Variants in FBXL5 observed in about 807,000 individuals in gnomAD.
FBXL5 encodes the protein F-box and leucine rich repeat protein 5.
FBXL5 carries 26 observed loss-of-function variants against 78.3 expected under a neutral mutation model. That is an observed-to-expected ratio of 0.33 (90% CI 0.24 to 0.46). FBXL5 has a LOEUF of 0.46. FBXL5 is among the 20% of genes least tolerant of loss of function. FBXL5 has a pLI of 1.00. For synonymous variants in FBXL5, 295 were observed against 282.5 expected (o/e 1.04, Z -0.45); for missense variants, 710 against 829.2 (o/e 0.86, Z 1.77).
upstream of FBXL5, among the ~76,000 whole-genome samples, chr4:15,660,408 A>G (rs1717248846): frequency 6.6e-6 from 1 of 152,172 alleles, no homozygotes. Context: ...AACTCAAAAC[A>G]GAGTACCAAA....
At chr4:15,639,719 G>T (rs979420532) in intron 3 of FBXL5, among the ~76,000 whole-genome samples, 1 of 152,196 alleles carries the variant, frequency 6.6e-6, no homozygotes, top group Non-Finnish European at 1.5e-5. Flanking sequence ...GAGTTGGGGG[G>T]CCCTGAAAAA....
chr4:15,628,275 C>A (rs78329910), intron 6 of FBXL5, among the ~76,000 whole-genome samples: 59 of 152,136 alleles, frequency 3.9e-4, no homozygotes, highest in Non-Finnish European at 6.9e-4. Context: ...CATAGTAAAA[C>A]GTACTATCAC....
chr4:15,658,734 T>C (rs1331172717), upstream of FBXL5, among the ~76,000 whole-genome samples: 2 of 152,192 alleles, frequency 1.3e-5, no homozygotes, highest in Non-Finnish European at 1.5e-5. Flanking sequence ...TATTCTGTTA[T>C]AAGCAATAGA....
intron 2 of FBXL5, 25 bp downstream of exon 2, chr4:15,644,468 T>G (rs372221574): frequency 3.2e-6 from 5 of 1,573,806 alleles, no homozygotes; most frequent in African/African-American, 1.5e-5. Flanking sequence ...GTTTTGACAG[T>G]TGAATATCCA....
At chr4:15,675,706 C>T (rs1278486656) in intron 1 of FBXL5, among the ~76,000 whole-genome samples, 1 of 151,212 alleles carries the variant, frequency 6.6e-6, no homozygotes, top group African/African-American at 2.4e-5. Context: ...CTCAGCCTCC[C>T]AAGTAGCTGG....
rs1478207969 is a variant in FBXL5, at chr4:15,655,292, A to ACTGCCTCAGCCT, written c.-17_-6dup. ...TTCTTCAGGAAAGGGCGCCATCGCC[A>ACTGCCTCAGCCT]CTGCCTCAGCCTCCGCCTCAGCAGC... On this transcript the variant is annotated 5_prime_UTR_variant, in exon 1 of 11. Transcript: ENST00000341285. 7.7e-6 allele frequency: 11 copies of ACTGCCTCAGCCT among 1,420,362 alleles called. No individual in the cohort carries two copies. The highest frequency in any genetic ancestry group is 1.0e-5 in the Non-Finnish European group (11 of 1,065,868). The allele number at this position is 1,420,362 out of a possible 1,614,324, so 88.0% of individuals were successfully genotyped here.
chr4:15,639,333 TA>T, intron 3 of FBXL5, among the ~76,000 whole-genome samples: 1 of 152,328 alleles, frequency 6.6e-6, no homozygotes, highest in Middle Eastern at 3.4e-3. Flanking sequence ...CTTCTGGTAC[TA>T]GAGTAACTGA....
At chr4:15,676,459 ACT>A (rs1247451495) in intron 1 of FBXL5, among the ~76,000 whole-genome samples, 1 of 152,114 alleles carries the variant, frequency 6.6e-6, no homozygotes, top group African/African-American at 2.4e-5. Context: ...AAAAAGGGAG[ACT>A]CTGTTATATA....
chr4:15,634,678 T>G (rs925767920), intron 5 of FBXL5, among the ~76,000 whole-genome samples: 2 of 152,122 alleles, frequency 1.3e-5, no homozygotes, highest in Non-Finnish European at 2.9e-5. Flanking sequence ...TTTTTTTTAT[T>G]TTTTTAGTAG....
chr4:15,640,736 AG>A (rs1271259198), intron 3 of FBXL5, 51 bp downstream of exon 3: 2 of 987,378 alleles, frequency 2.0e-6, no homozygotes, highest in East Asian at 5.4e-5. Context: ...AAAGCAAAAT[AG>A]TATTTTAAGA....
intron 5 of FBXL5, 43 bp downstream of exon 5, chr4:15,636,451 C>A: frequency 7.1e-7 from 1 of 1,401,912 alleles, no homozygotes; most frequent in Non-Finnish European, 9.5e-7. Flanking sequence ...GAATATTCAT[C>A]TAGAAAAATA....
At chr4:15,617,780 G>T (rs1158579388) in intron 9 of FBXL5, among the ~76,000 whole-genome samples, 1 of 152,140 alleles carries the variant, frequency 6.6e-6, no homozygotes, top group Admixed American at 6.5e-5. Flanking sequence ...ACACATGGAA[G>T]GAAACAACAC....
chr4:15,616,053 C>T (rs555568610), intron 9 of FBXL5, among the ~76,000 whole-genome samples: 107 of 151,742 alleles, frequency 7.1e-4, no homozygotes, highest in Non-Finnish European at 1.3e-3. Flanking sequence ...ATGAACAACT[C>T]CAGACGCGCT....
intron 9 of FBXL5, among the ~76,000 whole-genome samples, chr4:15,618,171 A>G (rs1216246642): frequency 6.8e-6 from 1 of 147,406 alleles, no homozygotes; most frequent in Non-Finnish European, 1.5e-5. Context: ...AGAAAAAAAG[A>G]GAAGACACAA....
upstream of FBXL5, among the ~76,000 whole-genome samples, chr4:15,661,208 G>GT (rs1717295148): frequency 6.6e-6 from 1 of 152,274 alleles, no homozygotes; most frequent in South Asian, 2.1e-4. Flanking sequence ...TACTATAGGT[G>GT]TTTCCCCTGT....
chr4:15,612,635 T>C (rs1281526505), intron 9 of FBXL5, among the ~76,000 whole-genome samples: 1 of 152,128 alleles, frequency 6.6e-6, no homozygotes, highest in Non-Finnish European at 1.5e-5. Flanking sequence ...TAAAGAAATC[T>C]ATAAAACTGT....
intron 5 of FBXL5, among the ~76,000 whole-genome samples, chr4:15,631,192 T>A (rs190916285): frequency 4.8e-4 from 73 of 152,298 alleles, no homozygotes; most frequent in Non-Finnish European, 8.2e-4. Flanking sequence ...CTTGTGACAG[T>A]TTGCTAAGAC....
chr4:15,618,906 A>G (rs1712182828), intron 9 of FBXL5, among the ~76,000 whole-genome samples: 1 of 121,382 alleles, frequency 8.2e-6, no homozygotes, highest in Non-Finnish European at 1.8e-5. Context: ...GTGGTGGCTC[A>G]TGCCTGTAAT....
chr4:15,649,510 G>A (rs775996054), intron 1 of FBXL5, among the ~76,000 whole-genome samples: 1 of 148,646 alleles, frequency 6.7e-6, no homozygotes, highest in Non-Finnish European at 1.5e-5. Context: ...AACCCGGGAG[G>A]CAGAGGTTGC....
Sources: gnomAD v4.1 joint callset for allele counts (sites outside exome capture counted in the v4.1 genomes callset) on GRCh38, gnomAD v4.1.1 for gene constraint, MANE v1.5 for transcripts, NCBI Gene and HGNC (gene_info 2026-07-23, HGNC 2026-07-21) for gene names.